Variants in ANO3 observed in about 807,000 individuals in gnomAD.
ANO3 encodes the protein anoctamin 3, also known as anoctamin-3.
In ANO3, 99 loss-of-function variants were observed where a neutral mutation model predicts 144.8. The ratio of observed to expected loss-of-function variants is 0.68; its 90% confidence interval spans 0.58 to 0.81. ANO3 has a LOEUF of 0.81. ANO3 is among the 30% of genes least tolerant of loss of function. ANO3 has a pLI of 0.00. For missense variants in ANO3, 905 were observed against 1,202.2 expected, an observed-to-expected ratio of 0.75 and a Z score of 3.66; for synonymous variants, 414 against 392.6, an observed-to-expected ratio of 1.05 and a Z score of -0.64.
intron 4 of ANO3, among the ~76,000 whole-genome samples, chr11:26,497,280 G>C (rs1379483336): frequency 1.3e-5 from 2 of 151,864 alleles, no homozygotes; most frequent in East Asian, 3.9e-4. Context: ...ATATATATAG[G>C]TTGATTTCAC....
chr11:26,269,376 T>C (rs1327078650), intron 1 of ANO3, among the ~76,000 whole-genome samples: 3 of 152,154 alleles, frequency 2.0e-5, no homozygotes, highest in African/African-American at 4.8e-5. Context: ...TAGTGCCTAG[T>C]AGTTTTCTGC....
At chr11:26,388,882 C>A (rs1349313575) in intron 1 of ANO3, among the ~76,000 whole-genome samples, 1 of 152,024 alleles carries the variant, frequency 6.6e-6, no homozygotes, top group Non-Finnish European at 1.5e-5. Context: ...CCTGTACACA[C>A]GTTTACTACA....
chr11:26,416,981 A>C (rs1418993388), intron 1 of ANO3, among the ~76,000 whole-genome samples: 3 of 152,124 alleles, frequency 2.0e-5, no homozygotes, highest in Non-Finnish European at 4.4e-5. Context: ...CACAAGTCCC[A>C]GTGCATAGGA....
intron 4 of ANO3, 124 bp from the exon 5 acceptor site, chr11:26,507,980 T>G: frequency 1.3e-6 from 1 of 787,968 alleles, no homozygotes; most frequent in African/African-American, 1.8e-5. Context: ...CCATATCTCA[T>G]GGTAGGAATA....
At chr11:26,210,053 C>A (rs764086033) in intron 1 of ANO3, among the ~76,000 whole-genome samples, 49 of 152,106 alleles carry the variant, frequency 3.2e-4, no homozygotes, top group South Asian at 8.3e-4. Context: ...GTCATGAATT[C>A]TTTGCCCATG....
In ANO3 at chr11:26,488,645, T is replaced by C. The variant is rs558010822; in HGVS notation, c.433-19459T>C. Among the ~76,000 whole-genome samples, 70 of 152,258 alleles carry C rather than the reference T, an allele frequency of 4.6e-4. 1 individual carries two copies. The highest frequency in any genetic ancestry group is 1.6e-3 in the African/African-American group (65 of 41,560). ...CTCTTAAAGATCGTGCATCTGGAGTTGGGTGTTTGTTCCTCCCAGTGGGTT... is the reference window on the plus strand; with the variant it reads ...CTCTTAAAGATCGTGCATCTGGAGTCGGGTGTTTGTTCCTCCCAGTGGGTT... On this transcript the variant is annotated intron_variant, in intron 4 of 26. Coordinates refer to ENST00000256737, the MANE Select transcript of ANO3 (RefSeq NM_031418.4).
intron 14 of ANO3, chr11:26,567,032 T>C: frequency 6.8e-7 from 1 of 1,475,786 alleles, no homozygotes; most frequent in South Asian, 1.5e-5. Flanking sequence ...GTTTACAGTA[T>C]CATCTTATTT....
chr11:26,211,552 C>G (rs192403147), intron 1 of ANO3, among the ~76,000 whole-genome samples: 11 of 152,260 alleles, frequency 7.2e-5, no homozygotes, highest in Non-Finnish European at 1.3e-4. Flanking sequence ...ATTAAAACAT[C>G]AGAAAACAAC....
At chr11:26,375,832 T>G (rs142639588) in intron 1 of ANO3, among the ~76,000 whole-genome samples, 28 of 152,030 alleles carry the variant, frequency 1.8e-4, no homozygotes, top group Admixed American at 1.2e-3. Context: ...CAAGACCCCA[T>G]GAAAAGAAAC....
chr11:26,498,771 T>G (rs1354729851), intron 4 of ANO3, among the ~76,000 whole-genome samples: 3 of 151,816 alleles, frequency 2.0e-5, no homozygotes, highest in Non-Finnish European at 4.4e-5. Context: ...ATTCTGCTTT[T>G]GATGATTAGC....
At chr11:26,618,324 G>A (rs182539872) in intron 17 of ANO3, among the ~76,000 whole-genome samples, 3 of 151,816 alleles carry the variant, frequency 2.0e-5, no homozygotes, top group African/African-American at 4.8e-5. Flanking sequence ...TCACAGTATC[G>A]TGACTAACTG....
chr11:26,519,134 A>C (rs1861970300), intron 6 of ANO3, among the ~76,000 whole-genome samples: 1 of 152,164 alleles, frequency 6.6e-6, no homozygotes. Flanking sequence ...AACTGAATTT[A>C]TGTACAAACT....
At chr11:26,575,113 T>G (rs1391775941) in intron 14 of ANO3, among the ~76,000 whole-genome samples, 1 of 152,020 alleles carries the variant, frequency 6.6e-6, no homozygotes. Context: ...AGTAAACATT[T>G]TGAAATATAA....
intron 14 of ANO3, chr11:26,560,939 G>T (rs2134248255): frequency 1.1e-6 from 1 of 924,014 alleles, no homozygotes; most frequent in East Asian, 2.8e-5. Flanking sequence ...CTGGTCTCCT[G>T]CTTTTATGAT....
chr11:26,215,805 C>T (rs1160958433), intron 1 of ANO3, among the ~76,000 whole-genome samples: 1 of 151,846 alleles, frequency 6.6e-6, no homozygotes, highest in African/African-American at 2.4e-5. Context: ...TAATCCATTA[C>T]CAGATAGATC....
chr11:26,623,680 T>G (rs1415901105), intron 17 of ANO3, among the ~76,000 whole-genome samples: 1 of 152,160 alleles, frequency 6.6e-6, no homozygotes, highest in Non-Finnish European at 1.5e-5. Context: ...TATCATAGTT[T>G]AGAAATTTCT....
intron 1 of ANO3, among the ~76,000 whole-genome samples, chr11:26,416,711 G>A (rs998127139): frequency 5.9e-5 from 9 of 151,808 alleles, no homozygotes; most frequent in Non-Finnish European, 1.2e-4. Context: ...TCTGAGTAGG[G>A]TCTTAGCCTC....
At chr11:26,575,359 T>C (rs1213652013) in intron 14 of ANO3, among the ~76,000 whole-genome samples, 1 of 151,850 alleles carries the variant, frequency 6.6e-6, no homozygotes, top group East Asian at 1.9e-4. Context: ...ACAATTGCTA[T>C]CTCATTTTTA....
intron 1 of ANO3, among the ~76,000 whole-genome samples, chr11:26,429,036 A>T (rs541079760): frequency 6.6e-6 from 1 of 152,320 alleles, no homozygotes; most frequent in East Asian, 1.9e-4. Flanking sequence ...TCACTGGGTC[A>T]CTGAGAAGTC....
Sources: gnomAD v4.1 joint callset for allele counts (sites outside exome capture counted in the v4.1 genomes callset) on GRCh38, gnomAD v4.1.1 for gene constraint, MANE v1.5 for transcripts, NCBI Gene and HGNC (gene_info 2026-07-23, HGNC 2026-07-21) for gene names.